Variants in CAAP1 observed in about 807,000 individuals in gnomAD.
CAAP1 encodes the protein conserved anti-apoptotic protein.
In CAAP1, 20 loss-of-function variants were observed where a neutral mutation model predicts 34.0. That is an observed-to-expected ratio of 0.59 (90% CI 0.41 to 0.86). The LOEUF (loss-of-function observed/expected upper bound fraction) is 0.86, where lower values mean the gene tolerates loss of function less well. CAAP1 is among the 40% of genes least tolerant of loss of function. CAAP1 has a pLI of 0.00. For synonymous variants in CAAP1, 213 were observed against 166.7 expected (o/e 1.28, Z -2.14); for missense variants, 538 against 450.5 (o/e 1.19, Z -1.76).
rs56103921 is a variant in CAAP1, at chr9:26,840,782, T to C, written c.*1519A>G. On this transcript the variant is annotated 3_prime_UTR_variant, in exon 6 of 6. Coordinates refer to ENST00000333916, the MANE Select transcript of CAAP1 (RefSeq NM_024828.4). ...GATGCCATCTACAGTATTTTGTAGT[T>C]AGTAAGCAGCAATAAAGTTTATTCT... The C allele has an allele frequency of 6.6e-6, 1 of 152,338 alleles. No homozygotes were observed. The highest frequency in any genetic ancestry group is 2.4e-5 in the African/African-American group (1 of 41,586). The allele number at this position is 152,338 out of a possible 1,614,324, so 9.4% of individuals were successfully genotyped here. A position where few individuals can be genotyped will look rare whatever the true frequency, so the allele number is the denominator to read the frequency against.
intron 4 of CAAP1, among the ~76,000 whole-genome samples, chr9:26,866,725 T>C (rs956717705): frequency 2.0e-5 from 3 of 152,174 alleles, no homozygotes; most frequent in South Asian, 2.1e-4. Context: ...ATTTGTGAAT[T>C]TGCCTAGTGT....
At chr9:26,871,381 G>C (rs1445879541) in intron 4 of CAAP1, among the ~76,000 whole-genome samples, 2 of 151,850 alleles carry the variant, frequency 1.3e-5, no homozygotes, top group African/African-American at 4.8e-5. Flanking sequence ...AGTTAGAGAC[G>C]AGCCTGGCCA....
At chr9:26,851,403 G>A (rs552700705) in intron 5 of CAAP1, among the ~76,000 whole-genome samples, 31 of 152,260 alleles carry the variant, frequency 2.0e-4, no homozygotes, top group African/African-American at 6.3e-4. Context: ...AGAGGTATGT[G>A]AGCCTGACAG....
At chr9:26,867,754 G>A (rs886268485) in intron 4 of CAAP1, among the ~76,000 whole-genome samples, 2 of 151,940 alleles carry the variant, frequency 1.3e-5, no homozygotes, top group Non-Finnish European at 2.9e-5. Context: ...TTATTAATAT[G>A]TCCATAAGTA....
intron 4 of CAAP1, among the ~76,000 whole-genome samples, chr9:26,872,307 G>A (rs1292709340): frequency 6.6e-6 from 1 of 152,034 alleles, no homozygotes; most frequent in Non-Finnish European, 1.5e-5. Context: ...CTGTTTTGAA[G>A]GGTGGAATAA....
At chr9:26,852,387 G>A (rs562932993) in intron 5 of CAAP1, among the ~76,000 whole-genome samples, 64 of 151,942 alleles carry the variant, frequency 4.2e-4, no homozygotes, top group African/African-American at 1.3e-3. Context: ...CCCGGGAGGC[G>A]GAGGCTGCAG....
At chr9:26,878,749 G>A (rs559659947) in intron 4 of CAAP1, among the ~76,000 whole-genome samples, 2 of 151,990 alleles carry the variant, frequency 1.3e-5, no homozygotes, top group Non-Finnish European at 2.9e-5. Flanking sequence ...ATGGGAGACA[G>A]AGGCTTCAGT....
At chr9:26,845,514 T>TA (rs1337271839) in intron 5 of CAAP1, among the ~76,000 whole-genome samples, 1 of 152,116 alleles carries the variant, frequency 6.6e-6, no homozygotes, top group African/African-American at 2.4e-5. Flanking sequence ...TAGCTGGGAT[T>TA]ACAAGCACGT....
At chr9:26,867,805 T>C (rs964269014) in intron 4 of CAAP1, among the ~76,000 whole-genome samples, 2 of 151,808 alleles carry the variant, frequency 1.3e-5, no homozygotes, top group African/African-American at 4.8e-5. Context: ...AACTATTTTA[T>C]TATTAATTTC....
chr9:26,887,950 TATC>T (rs1257851466), intron 1 of CAAP1, among the ~76,000 whole-genome samples: 1 of 152,196 alleles, frequency 6.6e-6, no homozygotes, highest in Non-Finnish European at 1.5e-5. Context: ...TACCAGGAGC[TATC>T]ATCATTTTTA....
At chr9:26,891,425 T>C (rs1823901163) in intron 1 of CAAP1, among the ~76,000 whole-genome samples, 1 of 152,178 alleles carries the variant, frequency 6.6e-6, no homozygotes. Context: ...TATAAATCTG[T>C]AAAGTCTCAT....
chr9:26,872,121 G>A (rs1823292475), intron 4 of CAAP1, among the ~76,000 whole-genome samples: 1 of 152,120 alleles, frequency 6.6e-6, no homozygotes, highest in Non-Finnish European at 1.5e-5. Flanking sequence ...GGTAACTCTA[G>A]TTACTGCTCT....
At chr9:26,868,209 T>C (rs959595560) in intron 4 of CAAP1, among the ~76,000 whole-genome samples, 1 of 151,936 alleles carries the variant, frequency 6.6e-6, no homozygotes, top group Non-Finnish European at 1.5e-5. Context: ...TGTTACCTCA[T>C]ACGGCAAAAA....
In CAAP1 at chr9:26,884,750, G is replaced by C; in HGVS notation, c.665+60C>G. ...AAAAACAATCATATCTTTGACATAA[G>C]AAATCACCAAAGGAATAACAAAGAA... is the stretch of plus-strand genomic sequence containing the variant. On this transcript the variant is annotated intron_variant, in intron 4 of 5. Transcript: ENST00000333916. The C allele has an allele frequency of 2.7e-6, 3 of 1,125,872 alleles. No homozygotes were observed. In the East Asian group the frequency reaches 7.1e-5, roughly 26 times the overall value. The allele number at this position is 1,125,872 out of a possible 1,614,324, so 69.7% of individuals were successfully genotyped here.
rs534810922 is a variant in CAAP1 at position 26,856,575 on chromosome 9, T to C, written c.739+4491A>G. 3.9e-5 allele frequency among the ~76,000 whole-genome samples: 6 copies of C among 152,324 alleles called. No individual in the cohort carries two copies. The South Asian group carries it at 1.2e-3, about 32-fold the overall frequency. On this transcript the variant is annotated intron_variant, in intron 5 of 5. Coordinates refer to ENST00000333916, the MANE Select transcript of CAAP1 (RefSeq NM_024828.4). ...CAAGGCCAAACAGCCAACCATTGCT[T>C]GAATCCTCTACAACAGCACCACCAA... is the stretch of plus-strand genomic sequence containing the variant.
intron 4 of CAAP1, among the ~76,000 whole-genome samples, chr9:26,873,457 C>G (rs1727622724): frequency 6.6e-6 from 1 of 152,134 alleles, no homozygotes; most frequent in Non-Finnish European, 1.5e-5. Context: ...AATTTTAAAA[C>G]TGCTAAGATT....
At chr9:26,858,128 G>C (rs1204676582) in intron 5 of CAAP1, among the ~76,000 whole-genome samples, 1 of 152,120 alleles carries the variant, frequency 6.6e-6, no homozygotes, top group Admixed American at 6.5e-5. Context: ...GTCTCAATTG[G>C]TCAAGCCATT....
At chr9:26,845,141 A>G (rs576176205) in intron 5 of CAAP1, among the ~76,000 whole-genome samples, 1 of 152,070 alleles carries the variant, frequency 6.6e-6, no homozygotes, top group African/African-American at 2.4e-5. Context: ...TGACATTTTT[A>G]TGTATTTTTA....
Position 26,886,187 on chromosome 9 carries a change from T to C in CAAP1, c.506A>G (p.Asn169Ser), listed in dbSNP as rs1483379492. Residue 169 changes from asparagine (N) to serine (S), a missense_variant and splice_region_variant, in exon 3 of 6, where the codon AAC becomes AGC. Transcript: ENST00000333916. ...LQKMLPDVLK[N>S]CSIEEIKKLC... The stretch of plus-strand genomic sequence containing the variant: ...TTTTTTAATTTCTTCTATTGAACAG[T>C]TCTAAAGGAAATGACATTTTAAAAA... The C allele has an allele frequency of 2.0e-6, 3 of 1,482,684 alleles. No homozygotes were observed. The highest frequency in any genetic ancestry group is 2.3e-5 in the Admixed American group (1 of 43,280). The allele number at this position is 1,482,684 out of a possible 1,614,324, so 91.8% of individuals were successfully genotyped here.
Sources: allele counts gnomAD v4.1 joint callset (sites outside exome capture counted in the v4.1 genomes callset), GRCh38; gene constraint gnomAD v4.1.1; transcripts MANE v1.5; gene names NCBI Gene and HGNC (gene_info 2026-07-23, HGNC 2026-07-21).